Variants in EFCAB6 observed in about 807,000 individuals in gnomAD.
EFCAB6 encodes the protein EF-hand calcium-binding domain-containing protein 6.
In EFCAB6, 156 loss-of-function variants were observed where a neutral mutation model predicts 169.8. That is an observed-to-expected ratio of 0.92 (90% CI 0.81 to 1.05). The LOEUF is 1.05. EFCAB6 is among the 50% of genes least tolerant of loss of function. The pLI is 0.00. For missense variants in EFCAB6, 1,800 were observed against 1,829.1 expected (o/e 0.98, Z 0.29); for synonymous variants, 698 against 676.4 (o/e 1.03, Z -0.50).
chr22:43,667,096 T>A lies in EFCAB6; in HGVS notation c.1983+8A>T. The A allele has an allele frequency of 3.1e-6, 5 of 1,610,620 alleles. No individual in the cohort carries two copies. The highest frequency in any genetic ancestry group is 4.2e-6 in the Non-Finnish European group (5 of 1,178,546). ...AGGATAGAAACAAAGAGAAACCCAT[T>A]CTCCTACCTTCTTAAAGTCATGCAC... On this transcript the variant is annotated splice_region_variant and intron_variant, in intron 17 of 31. Coordinates refer to ENST00000262726, the MANE Select transcript of EFCAB6 (RefSeq NM_022785.4).
intron 10 of EFCAB6, among the ~76,000 whole-genome samples, chr22:43,707,413 G>T (rs35269212): frequency 1.3e-5 from 2 of 151,808 alleles, no homozygotes; most frequent in Admixed American, 6.6e-5. Flanking sequence ...TGAAAAATAC[G>T]AATTCTCAGA....
At chr22:43,557,836 T>C (rs1271262213) in intron 26 of EFCAB6, among the ~76,000 whole-genome samples, 2 of 152,220 alleles carry the variant, frequency 1.3e-5, no homozygotes, top group Non-Finnish European at 2.9e-5. Context: ...GTTTATTTCA[T>C]GGATAAGAAT....
chr22:43,609,215 G>A (rs1360480560), intron 21 of EFCAB6, among the ~76,000 whole-genome samples: 1 of 152,194 alleles, frequency 6.6e-6, no homozygotes, highest in Admixed American at 6.5e-5. Context: ...TTCTCTGCAA[G>A]TATGATACTT....
intron 20 of EFCAB6, among the ~76,000 whole-genome samples, chr22:43,624,111 C>T (rs1476273741): frequency 6.6e-6 from 1 of 152,098 alleles, no homozygotes; most frequent in Non-Finnish European, 1.5e-5. Context: ...TGAGCCCGCA[C>T]TCCTTCATCT....
chr22:43,610,793 G>A (rs763366047), intron 21 of EFCAB6, among the ~76,000 whole-genome samples: 6 of 152,056 alleles, frequency 3.9e-5, no homozygotes, highest in South Asian at 2.1e-4. Context: ...TTAAAAACAC[G>A]TAGCAGGTCT....
At chr22:43,679,836 T>G (rs1157813446) in intron 12 of EFCAB6, among the ~76,000 whole-genome samples, 1 of 152,146 alleles carries the variant, frequency 6.6e-6, no homozygotes, top group Admixed American at 6.5e-5. Context: ...AAAATTAGGT[T>G]GTCTTCTTAT....
At chr22:43,667,054 A>G (rs777902074) in intron 17 of EFCAB6, 50 bp downstream of exon 17, 8 of 1,576,224 alleles carry the variant, frequency 5.1e-6, no homozygotes, top group Non-Finnish European at 6.9e-6. Context: ...AGTATAAGAA[A>G]ACAGCTGAAC....
At chr22:43,773,683 A>G (rs2061551045) in intron 3 of EFCAB6, among the ~76,000 whole-genome samples, 2 of 152,204 alleles carry the variant, frequency 1.3e-5, no homozygotes, top group Admixed American at 1.3e-4. Context: ...CCCCATCTCT[A>G]CTAAAAATAC....
rs144234026 is a variant in EFCAB6 at position 43,745,570 on chromosome 22, C to T, written c.508-9577G>A. On this transcript the variant is annotated intron_variant, in intron 6 of 31. Coordinates refer to ENST00000262726, the MANE Select transcript of EFCAB6 (RefSeq NM_022785.4). ...AGTCCCAAGGGGAGGGGGCTTCGGG[C>T]ACCCCCATGTCTTGGCTCAGCAGCA... 4.7e-3 allele frequency among the ~76,000 whole-genome samples: 722 copies of T among 152,310 alleles called. 4 individuals are homozygous for T. Among genetic ancestry groups the T allele is most frequent in the Non-Finnish European group, 8.0e-3 (542 of 68,028 alleles).
At chr22:43,635,392 C>A (rs2055315372) in intron 17 of EFCAB6, among the ~76,000 whole-genome samples, 176 bp from the exon 18 acceptor site, 1 of 152,104 alleles carries the variant, frequency 6.6e-6, no homozygotes, top group Admixed American at 6.5e-5. Flanking sequence ...CTGGGCCTTG[C>A]ACAAGGCTTG....
At chr22:43,760,098 G>T (rs1014948581) in intron 5 of EFCAB6, among the ~76,000 whole-genome samples, 1 of 151,690 alleles carries the variant, frequency 6.6e-6, no homozygotes, top group Non-Finnish European at 1.5e-5. Flanking sequence ...CAGCTACTTG[G>T]GAGGTTGAGA....
At chr22:43,667,057 A>G (rs1355614803) in intron 17 of EFCAB6, 47 bp downstream of exon 17, 1 of 1,581,518 alleles carries the variant, frequency 6.3e-7, no homozygotes, top group Non-Finnish European at 8.6e-7. Flanking sequence ...ATAAGAAAAC[A>G]GCTGAACTTC....
chr22:43,690,317 G>T (rs1218394746), intron 10 of EFCAB6, among the ~76,000 whole-genome samples: 1 of 141,692 alleles, frequency 7.1e-6, no homozygotes, highest in African/African-American at 2.7e-5. Flanking sequence ...GGCTAATAGG[G>T]TGAAACCCCG....
intron 2 of EFCAB6, among the ~76,000 whole-genome samples, chr22:43,784,537 G>GTATA (rs1356695966): frequency 1.0e-5 from 1 of 96,212 alleles, no homozygotes; most frequent in African/African-American, 4.0e-5. Flanking sequence ...GTGTGTGTGT[G>GTATA]TGTGTGTATA....
At chr22:43,656,274 C>G (rs889287540) in intron 17 of EFCAB6, among the ~76,000 whole-genome samples, 1 of 152,024 alleles carries the variant, frequency 6.6e-6, no homozygotes, top group African/African-American at 2.4e-5. Context: ...CCTGTAATCC[C>G]AGCTACTCGG....
intron 21 of EFCAB6, among the ~76,000 whole-genome samples, chr22:43,614,955 ATGGAGT>A: frequency 6.6e-6 from 1 of 150,882 alleles, no homozygotes; most frequent in Non-Finnish European, 1.5e-5. Context: ...AGTCCACTCT[ATGGAGT>A]CCACAGCACA....
intron 6 of EFCAB6, among the ~76,000 whole-genome samples, chr22:43,737,845 ATT>A (rs2060211554): frequency 6.6e-6 from 1 of 151,702 alleles, no homozygotes; most frequent in Non-Finnish European, 1.5e-5. Context: ...ACACACATAT[ATT>A]CTCACACATA....
chr22:43,679,610 G>C (rs534065756), intron 12 of EFCAB6, among the ~76,000 whole-genome samples: 6 of 152,292 alleles, frequency 3.9e-5, no homozygotes, highest in African/African-American at 1.4e-4. Flanking sequence ...CAGTATATGA[G>C]AGTTCCAGTA....
intron 21 of EFCAB6, among the ~76,000 whole-genome samples, chr22:43,613,890 G>C (rs529025342): frequency 1.3e-5 from 2 of 152,160 alleles, no homozygotes; most frequent in Non-Finnish European, 2.9e-5. Context: ...TACTTGGGAG[G>C]CTGAGGTAGG....
Sources: gnomAD v4.1 joint callset for allele counts (sites outside exome capture counted in the v4.1 genomes callset) on GRCh38, gnomAD v4.1.1 for gene constraint, MANE v1.5 for transcripts, NCBI Gene and HGNC (gene_info 2026-07-23, HGNC 2026-07-21) for gene names.